Variants in CACNA1B observed in about 807,000 individuals in gnomAD.
The protein encoded by CACNA1B is calcium voltage-gated channel subunit alpha1 B, also known as voltage-dependent N-type calcium channel subunit alpha-1B.
In CACNA1B, 70 loss-of-function variants were observed where a neutral mutation model predicts 247.2. The ratio of observed to expected loss-of-function variants is 0.28; its 90% CI spans 0.23 to 0.35. CACNA1B has a LOEUF of 0.35. Ranked by LOEUF, CACNA1B falls within the 10% of genes least tolerant of loss-of-function variation. The pLI, the probability that CACNA1B is intolerant of heterozygous loss-of-function variation, is 1.00. For synonymous variants in CACNA1B, 1,231 were observed against 1,294.4 expected (o/e 0.95, Z 1.05); for missense variants, 2,367 against 3,197.4 (o/e 0.74, Z 6.26).
intron 20 of CACNA1B, among the ~76,000 whole-genome samples, chr9:138,038,233 A>G (rs542575594): frequency 8.5e-5 from 13 of 152,322 alleles, no homozygotes; most frequent in Non-Finnish European, 1.2e-4. Context: ...ATCTTGGCCA[A>G]TGTTCACCCT....
At chr9:137,946,463 CAGA>C (rs756799389) in intron 6 of CACNA1B, among the ~76,000 whole-genome samples, 2 of 152,146 alleles carry the variant, frequency 1.3e-5, no homozygotes, top group Non-Finnish European at 2.9e-5. Flanking sequence ...CCAGGAAAGA[CAGA>C]AAAGAGTCCT....
chr9:138,117,957 A>G lies in CACNA1B; in HGVS notation c.5789A>G (p.Glu1930Gly), dbSNP rs888053697. Residue 1930 changes from glutamate (E) to glycine (G), a missense_variant, in exon 43 of 47, where the codon GAG becomes GGG. Physicochemically the swap from Glu to Gly is moderately conservative, Grantham distance 98. Around this residue, in one of 12 missense-constraint regions of CACNA1B, gnomAD observed 773 missense variants for 779.4 expected, o/e 0.99. Transcript: ENST00000371372. ...CTTCTCTGCCACAGACAAAACCAAG[A>G]GAGTGGCATCAAAGAGTCTGTCTCC... ...LSNGGAIQNQ[E>G]SGIKESVSWG... The G allele has an allele frequency of 6.9e-6, 11 of 1,584,446 alleles. No homozygotes were observed. The African/African-American group carries it at 1.5e-4, about 21-fold the overall frequency.
chr9:138,084,030 C>G (rs1195206644), intron 36 of CACNA1B, among the ~76,000 whole-genome samples: 2 of 150,950 alleles, frequency 1.3e-5, no homozygotes, highest in Non-Finnish European at 2.9e-5. Flanking sequence ...ACCCCTTCTT[C>G]CTGAATTGGA....
Position 137,884,967 on chromosome 9 carries a change from CCTCCT to C in CACNA1B, c.530+2086_530+2090del, listed in dbSNP as rs1359534146. Reference sequence around the variant, plus strand: ...CCTCCTCTCCCCTCTTCCCCCCCCCCCTCCTCCCACTTTGCCTGTCTAGCCCTTTG... The same window carrying C: ...CCTCCTCTCCCCTCTTCCCCCCCCCCCCCACTTTGCCTGTCTAGCCCTTTG... On this transcript the variant is annotated intron_variant, in intron 3 of 46. Transcript: ENST00000371372. Among the ~76,000 whole-genome samples the C allele has an allele frequency of 3.5e-3, 295 of 84,836 alleles. 3 individuals are homozygous for C. Among genetic ancestry groups the C allele is most frequent in the African/African-American group, 0.01 (239 of 23,274 alleles). 55.7% of individuals were successfully genotyped at this position (84,836 alleles called of 152,430 possible). A position where few individuals can be genotyped will look rare whatever the true frequency, so the allele number is the denominator to read the frequency against.
chr9:138,028,117 G>A (rs1958944405), intron 20 of CACNA1B, among the ~76,000 whole-genome samples: 1 of 140,792 alleles, frequency 7.1e-6, no homozygotes, highest in African/African-American at 2.7e-5. Context: ...CTGCCTCCCA[G>A]GTTCAAGCAA....
At chr9:138,045,385 G>C (rs1281153681) in intron 21 of CACNA1B, among the ~76,000 whole-genome samples, 1 of 152,204 alleles carries the variant, frequency 6.6e-6, no homozygotes, top group South Asian at 2.1e-4. Context: ...GTTTCAGGCA[G>C]AGAGAGTGGT....
intron 20 of CACNA1B, among the ~76,000 whole-genome samples, chr9:138,036,080 C>A (rs1038165011): frequency 2.0e-5 from 3 of 151,972 alleles, no homozygotes; most frequent in Admixed American, 6.6e-5. Context: ...CCTTATATTT[C>A]GGATCATCCA....
chr9:138,004,719 A>T (rs982155023), intron 15 of CACNA1B, among the ~76,000 whole-genome samples: 3 of 152,148 alleles, frequency 2.0e-5, no homozygotes, highest in Non-Finnish European at 4.4e-5. Flanking sequence ...AACCCTAAAG[A>T]CTTGGATCCA....
chr9:138,021,357 CT>C (rs1300516189), intron 18 of CACNA1B, among the ~76,000 whole-genome samples: 1 of 152,264 alleles, frequency 6.6e-6, no homozygotes, highest in East Asian at 1.9e-4. Flanking sequence ...AGACACCACA[CT>C]TCCGCTTTCA....
chr9:138,031,998 T>C (rs1360427567), intron 20 of CACNA1B, among the ~76,000 whole-genome samples: 1 of 152,168 alleles, frequency 6.6e-6, no homozygotes, highest in Non-Finnish European at 1.5e-5. Context: ...TTAGCATAAT[T>C]ATTGATATAT....
chr9:137,910,382 A>G (rs1957346637), intron 3 of CACNA1B, among the ~76,000 whole-genome samples: 3 of 152,106 alleles, frequency 2.0e-5, no homozygotes, highest in Admixed American at 1.3e-4. Flanking sequence ...GCAGCCCCCA[A>G]CCTTTATGAC....
chr9:138,057,354 G>A lies in CACNA1B; in HGVS notation c.3969-378G>A, dbSNP rs538873395. Among the ~76,000 whole-genome samples the A allele has an allele frequency of 1.2e-4, 18 of 152,100 alleles. No homozygotes were observed. Among genetic ancestry groups the A allele is most frequent in the South Asian group, 2.1e-4 (1 of 4,822 alleles). Reference sequence around the variant, plus strand: ...GGATTTGTCTCTTTACGTTCTCGGCGTCCTCTGAGCACAGAAGTGTCCGAT... The same window carrying A: ...GGATTTGTCTCTTTACGTTCTCGGCATCCTCTGAGCACAGAAGTGTCCGAT... On this transcript the variant is annotated intron_variant, in intron 26 of 46. Transcript: ENST00000371372. This position sits in a 1 kb window ranked among gnomAD's most constrained non-coding sequence, Gnocchi z 4.0.
chr9:137,987,945 T>C (rs1353230074), intron 15 of CACNA1B, among the ~76,000 whole-genome samples: 1 of 152,212 alleles, frequency 6.6e-6, no homozygotes, highest in Non-Finnish European at 1.5e-5. Flanking sequence ...CTTGCTGTTG[T>C]CATCCCTTCT....
At position 138,053,849 on chromosome 9, in the gene CACNA1B, GTGTT is replaced by G. The variant is rs1313149408; in HGVS notation, c.3814_3817del (p.Phe1272ThrfsTer4). On this transcript the variant is annotated frameshift_variant, in exon 26 of 47. Transcript: ENST00000371372. LOFTEE classifies it high-confidence loss of function. Reference sequence around the variant, plus strand: ...GGCTCCACCCCTCCTCCTGCAGGCTGTGTTTGACTGTGTGGTGAACTCCCTGAAG... The same window carrying G: ...GGCTCCACCCCTCCTCCTGCAGGCTGTGACTGTGTGGTGAACTCCCTGAAG... 6.2e-7 allele frequency: 1 copy of G among 1,611,810 alleles called. No individual in the cohort carries two copies. The highest frequency in any genetic ancestry group is 8.5e-7 in the Non-Finnish European group (1 of 1,178,592).
At chr9:138,005,810 G>C (rs953305265) in intron 15 of CACNA1B, among the ~76,000 whole-genome samples, 3 of 152,154 alleles carry the variant, frequency 2.0e-5, no homozygotes, top group Non-Finnish European at 4.4e-5. Flanking sequence ...TTGGGAGGCC[G>C]AGGTGGGCGG....
intron 3 of CACNA1B, among the ~76,000 whole-genome samples, chr9:137,892,730 C>T (rs928564069): frequency 2.0e-5 from 3 of 152,244 alleles, no homozygotes; most frequent in Admixed American, 1.3e-4. Context: ...GCCGGTCCCA[C>T]CCCAGCACCT....
In CACNA1B at chr9:138,123,100, ACT is replaced by A. The variant is rs1196101333; in HGVS notation, c.*1104_*1105del. 6.6e-6 allele frequency: 1 copy of A among 152,192 alleles called. No homozygotes were observed. Among genetic ancestry groups the A allele is most frequent in the African/African-American group, 2.4e-5 (1 of 41,398 alleles). The allele number at this position is 152,192 out of a possible 1,614,324, so 9.4% of individuals were successfully genotyped here. A position where few individuals can be genotyped will look rare whatever the true frequency, so the allele number is the denominator to read the frequency against. ...GTTCTGCATATGATTCTCAGGGCAC[ACT>A]CTGTGGTATGTGAAATAGGTTTCCT... On this transcript the variant is annotated 3_prime_UTR_variant, in exon 47 of 47. Transcript: ENST00000371372.
chr9:138,044,743 CT>C (rs1959169321), intron 21 of CACNA1B, among the ~76,000 whole-genome samples: 2 of 152,220 alleles, frequency 1.3e-5, no homozygotes, highest in Non-Finnish European at 2.9e-5. Flanking sequence ...GGACGTACCC[CT>C]GTTCGTTACC....
chr9:138,092,011 G>A (rs943363601), intron 36 of CACNA1B, among the ~76,000 whole-genome samples: 1 of 152,114 alleles, frequency 6.6e-6, no homozygotes, highest in Non-Finnish European at 1.5e-5. Context: ...GGGGAGAGGG[G>A]TACAAACAGG....
Sources: gnomAD v4.1 joint callset for allele counts (sites outside exome capture counted in the v4.1 genomes callset) on GRCh38, gnomAD v4.1.1 for gene constraint, gnomAD v4.1.1 regional missense constraint, Gnocchi (gnomAD v3.1) non-coding constraint, MANE v1.5 for transcripts, NCBI Gene and HGNC (gene_info 2026-07-23, HGNC 2026-07-21) for gene names.